Variants in CDH13 observed in about 807,000 individuals in gnomAD.
CDH13 encodes the protein cadherin-13.
A neutral mutation model predicts 63.8 loss-of-function variants in CDH13; 24 were observed. The observed-to-expected ratio is 0.38, with a 90% CI of 0.27 to 0.53. The LOEUF is 0.53. Among genes scored for constraint, CDH13 ranks in the 20% least tolerant of loss-of-function variants. CDH13 has a pLI of 0.85. For missense variants in CDH13, 1,049 were observed against 903.1 expected (o/e 1.16, Z -2.07); for synonymous variants, 503 against 355.3 (o/e 1.42, Z -4.67).
chr16:82,923,390 G>A (rs1376187370), intron 2 of CDH13, among the ~76,000 whole-genome samples: 6 of 152,208 alleles, frequency 3.9e-5, no homozygotes, highest in Non-Finnish European at 8.8e-5. Context: ...ATTTACTGCT[G>A]TTATTGTTCT....
At chr16:83,070,359 T>C (rs1484587920) in intron 3 of CDH13, among the ~76,000 whole-genome samples, 1 of 152,210 alleles carries the variant, frequency 6.6e-6, no homozygotes, top group Non-Finnish European at 1.5e-5. Flanking sequence ...AAGGAATTCA[T>C]AAAGTTGGAT....
chr16:82,844,682 C>T (rs1288316643), intron 1 of CDH13: 1 of 142,072 alleles, frequency 7.0e-6, no homozygotes, highest in East Asian at 2.1e-4. Flanking sequence ...CTCTGTCACC[C>T]AGGCTGGAGT....
intron 1 of CDH13, chr16:82,773,344 C>T (rs771329195): frequency 3.3e-5 from 5 of 152,216 alleles, no homozygotes; most frequent in Admixed American, 6.5e-5. Context: ...GATGTAGTAG[C>T]CAGCAGCAAG....
intron 10 of CDH13, among the ~76,000 whole-genome samples, chr16:83,701,626 C>T (rs974828445): frequency 3.3e-5 from 5 of 152,166 alleles, no homozygotes; most frequent in African/African-American, 1.2e-4. Flanking sequence ...TTCTCTGCCT[C>T]TGTGCTAGGG....
chr16:83,342,072 C>CATCTGTGT (rs1053571053), intron 5 of CDH13, among the ~76,000 whole-genome samples: 5 of 149,996 alleles, frequency 3.3e-5, no homozygotes, highest in Non-Finnish European at 7.4e-5. Flanking sequence ...AAATGTTCTA[C>CATCTGTGT]ATCTGTGTTG....
chr16:83,000,172 G>A (rs978279896), intron 2 of CDH13, among the ~76,000 whole-genome samples: 5 of 140,020 alleles, frequency 3.6e-5, no homozygotes, highest in Admixed American at 7.2e-5. Flanking sequence ...CATCTTATTG[G>A]GCAATTCTAT....
intron 6 of CDH13, among the ~76,000 whole-genome samples, chr16:83,391,509 T>C (rs2091785846): frequency 2.0e-5 from 3 of 152,094 alleles, no homozygotes; most frequent in Admixed American, 2.0e-4. Flanking sequence ...AGCCACACAT[T>C]TAAAATAATG....
chr16:82,665,542 A>G (rs1409851624), intron 1 of CDH13, among the ~76,000 whole-genome samples: 1 of 152,126 alleles, frequency 6.6e-6, no homozygotes, highest in Non-Finnish European at 1.5e-5. Flanking sequence ...AAGAGAATCA[A>G]TTGTATGCAG....
chr16:83,612,956 T>C (rs1413312624), intron 8 of CDH13, among the ~76,000 whole-genome samples: 1 of 152,198 alleles, frequency 6.6e-6, no homozygotes, highest in Non-Finnish European at 1.5e-5. Context: ...GATTAAAAAA[T>C]TCCTTTTATT....
chr16:82,702,037 C>T (rs1179883507), intron 1 of CDH13, among the ~76,000 whole-genome samples: 2 of 152,208 alleles, frequency 1.3e-5, no homozygotes, highest in African/African-American at 4.8e-5. Flanking sequence ...TCAAGGTGTT[C>T]TGTCACCCCA....
chr16:83,211,761 C>G (rs1472104176), intron 4 of CDH13, among the ~76,000 whole-genome samples: 1 of 152,088 alleles, frequency 6.6e-6, no homozygotes, highest in African/African-American at 2.4e-5. Context: ...CCCACCTCCC[C>G]CCCCCAAACA....
chr16:83,209,125 C>T (rs1412825567), intron 4 of CDH13, among the ~76,000 whole-genome samples: 1 of 152,166 alleles, frequency 6.6e-6, no homozygotes, highest in East Asian at 1.9e-4. Context: ...TGCTTCCATA[C>T]AGGGGAATCC....
chr16:83,662,386 A>C (rs1340158490), intron 8 of CDH13, among the ~76,000 whole-genome samples: 1 of 152,210 alleles, frequency 6.6e-6, no homozygotes. Flanking sequence ...ACAAAAGAGA[A>C]ACACAAAATT....
At chr16:83,106,000 G>C (rs1037505025) in intron 3 of CDH13, among the ~76,000 whole-genome samples, 4 of 152,184 alleles carry the variant, frequency 2.6e-5, no homozygotes, top group Non-Finnish European at 5.9e-5. Flanking sequence ...AAATGTGTTG[G>C]AACAATGTCC....
rs76585301 is a variant in CDH13, at chr16:83,512,946, C to A, written c.960+26291C>A. The stretch of plus-strand genomic sequence containing the variant: ...TAAAATTTGAGAACCTCTGATCAAG[C>A]CCTGCAAGCTTTTTAACCCTGGTCC... On this transcript the variant is annotated intron_variant, in intron 7 of 13. Coordinates refer to ENST00000567109, the MANE Select transcript of CDH13 (RefSeq NM_001257.5). Among the ~76,000 whole-genome samples, 596 of 151,992 alleles carry A rather than the reference C, an allele frequency of 3.9e-3. 5 individuals carry two copies. Among genetic ancestry groups the A allele is most frequent in the African/African-American group, 0.013 (559 of 41,462 alleles).
At chr16:83,340,573 A>ATTTGGGTGC (rs1189377266) in intron 5 of CDH13, among the ~76,000 whole-genome samples, 10 of 152,204 alleles carry the variant, frequency 6.6e-5, no homozygotes, top group Non-Finnish European at 1.2e-4. Flanking sequence ...ACATCACTCA[A>ATTTGGGTGC]ACAGTAATGT....
At chr16:83,089,722 C>A (rs537450741) in intron 3 of CDH13, among the ~76,000 whole-genome samples, 7 of 152,168 alleles carry the variant, frequency 4.6e-5, no homozygotes, top group African/African-American at 1.7e-4. Context: ...TTCTATCTCA[C>A]GACTTTGCTA....
rs1909890326 is a variant in CDH13, at chr16:82,644,809, T to C, written c.45+17672T>C. Among the ~76,000 whole-genome samples the C allele has an allele frequency of 6.6e-6, 1 of 152,178 alleles. No individual in the cohort carries two copies. Among genetic ancestry groups the C allele is most frequent in the Non-Finnish European group, 1.5e-5 (1 of 68,034 alleles). The stretch of plus-strand genomic sequence containing the variant: ...CACGCAAAGCCACGTAAGTGTCTGA[T>C]TCAGTCCTCCCTGGTCAGTTTTCCA... On this transcript the variant is annotated intron_variant, in intron 1 of 13. Transcript: ENST00000567109. This position sits in a 1 kb window ranked among gnomAD's most constrained non-coding sequence, Gnocchi z 5.7.
intron 1 of CDH13, among the ~76,000 whole-genome samples, chr16:82,749,683 C>T (rs1361034407): frequency 1.3e-5 from 2 of 152,124 alleles, no homozygotes; most frequent in East Asian, 3.9e-4. Context: ...TTCCTTGAAC[C>T]TCCTTAAACT....
Sources: allele counts gnomAD v4.1 joint callset (sites outside exome capture counted in the v4.1 genomes callset), GRCh38; gene constraint gnomAD v4.1.1; non-coding constraint Gnocchi (gnomAD v3.1); transcripts MANE v1.5; gene names NCBI Gene and HGNC (gene_info 2026-07-23, HGNC 2026-07-21).